Variants in APBA2 observed in about 807,000 individuals in gnomAD.
APBA2 encodes amyloid beta precursor protein binding family A member 2.
APBA2 carries 30 observed loss-of-function variants against 75.0 expected under a neutral mutation model. That is an observed-to-expected ratio of 0.40 (90% confidence interval 0.30 to 0.54). The LOEUF (loss-of-function observed/expected upper bound fraction) is 0.54. Among genes scored for constraint, APBA2 ranks in the 20% least tolerant of loss-of-function variants. The pLI is 0.49. For missense variants in APBA2, 801 were observed against 1,016.1 expected (o/e 0.79, Z 2.88); for synonymous variants, 444 against 409.6 (o/e 1.08, Z -1.01).
chr15:28,957,796 A>C (rs1366890826), intron 2 of APBA2, among the ~76,000 whole-genome samples: 6 of 152,042 alleles, frequency 3.9e-5, no homozygotes, highest in Non-Finnish European at 8.8e-5. Context: ...TGTCTCTTGC[A>C]CCTGCACATC....
At chr15:28,893,968 G>A (rs1290237917) in intron 1 of APBA2, 4 of 152,174 alleles carry the variant, frequency 2.6e-5, no homozygotes, top group African/African-American at 4.8e-5. Flanking sequence ...CCTTGACTTC[G>A]TCTGGGGAGC....
intron 9 of APBA2, among the ~76,000 whole-genome samples, chr15:29,098,827 C>T (rs2043980374): frequency 6.6e-6 from 1 of 152,154 alleles, no homozygotes; most frequent in African/African-American, 2.4e-5. Context: ...GGGCCCTCCC[C>T]TGCTTCCCCA....
chr15:29,117,850 C>T lies in APBA2; in HGVS notation c.*717C>T, dbSNP rs1406522065. 1 of 152,252 alleles carries T rather than the reference C, an allele frequency of 6.6e-6. No homozygotes were observed. The highest frequency in any genetic ancestry group is 2.4e-5 in the African/African-American group (1 of 41,440). The allele number at this position is 152,252 out of a possible 1,614,324, so 9.4% of individuals were successfully genotyped here. A position where few individuals can be genotyped will look rare whatever the true frequency, so the allele number is the denominator to read the frequency against. On this transcript the variant is annotated 3_prime_UTR_variant, in exon 15 of 15. Coordinates refer to ENST00000683413, the MANE Select transcript of APBA2 (RefSeq NM_001353788.2). ...CCCGTCGTCTCTTCTGGGCACCCTC[C>T]CACCCGGCTGCATACCCGGGCAGGG...
chr15:28,958,719 C>G (rs2036305467), intron 2 of APBA2, among the ~76,000 whole-genome samples: 1 of 152,146 alleles, frequency 6.6e-6, no homozygotes, highest in African/African-American at 2.4e-5. Context: ...CTTATCAAAT[C>G]CAGAGCTGTT....
At chr15:29,072,671 C>T (rs2042677212) in intron 4 of APBA2, among the ~76,000 whole-genome samples, 1 of 152,086 alleles carries the variant, frequency 6.6e-6, no homozygotes, top group South Asian at 2.1e-4. Flanking sequence ...GGGTTTTGCT[C>T]CTGGGATGCT....
intron 1 of APBA2, among the ~76,000 whole-genome samples, chr15:28,899,529 G>A (rs1467621589): frequency 6.6e-6 from 1 of 152,232 alleles, no homozygotes; most frequent in Non-Finnish European, 1.5e-5. Flanking sequence ...TGGAAGCCGT[G>A]TTGCGTTGCA....
chr15:28,916,916 T>C (rs1347470302), intron 1 of APBA2, among the ~76,000 whole-genome samples: 2 of 152,242 alleles, frequency 1.3e-5, no homozygotes, highest in East Asian at 3.9e-4. Context: ...GAAATGGAAT[T>C]TTTGGGCACA....
intron 4 of APBA2, among the ~76,000 whole-genome samples, chr15:29,068,132 A>G (rs1388592359): frequency 3.3e-5 from 5 of 152,242 alleles, no homozygotes; most frequent in Non-Finnish European, 7.3e-5. Flanking sequence ...TGTGGAGGCC[A>G]CAGGGGAGGT....
chr15:28,976,891 G>A (rs1400701434), intron 2 of APBA2: 1 of 152,142 alleles, frequency 6.6e-6, no homozygotes, highest in African/African-American at 2.4e-5. Flanking sequence ...AGACTGAGGT[G>A]ATATGTTCCT....
chr15:28,977,814 G>A (rs1202754895), intron 2 of APBA2, among the ~76,000 whole-genome samples: 1 of 152,178 alleles, frequency 6.6e-6, no homozygotes. Context: ...GGTTCTCACA[G>A]GAGTGAGAAC....
Position 28,940,596 on chromosome 15 carries a change from G to A in APBA2, c.-95+18847G>A, listed in dbSNP as rs2035163048. ...AAAAGAAAAGAAAAAGAAAAACAAAGCCTCTGGAATCCGGAACTACAAATC... is the reference window on the plus strand; with the variant it reads ...AAAAGAAAAGAAAAAGAAAAACAAAACCTCTGGAATCCGGAACTACAAATC... On this transcript the variant is annotated intron_variant, in intron 2 of 14. Coordinates refer to ENST00000683413, the MANE Select transcript of APBA2 (RefSeq NM_001353788.2). Among the ~76,000 whole-genome samples the A allele has an allele frequency of 2.0e-5, 3 of 151,216 alleles. No individual in the cohort carries two copies. The South Asian group carries it at 6.3e-4, about 32-fold the overall frequency.
intron 1 of APBA2, among the ~76,000 whole-genome samples, chr15:28,899,821 T>A (rs2032742449): frequency 6.6e-6 from 1 of 151,908 alleles, no homozygotes. Flanking sequence ...AAGTGAGGAA[T>A]GTCTTTAAAA....
intron 1 of APBA2, among the ~76,000 whole-genome samples, chr15:28,914,250 C>T (rs371905094): frequency 6.6e-5 from 10 of 152,242 alleles, no homozygotes; most frequent in Admixed American, 2.6e-4. Context: ...GGCTGCTTTG[C>T]GGTGTAGACC....
intron 3 of APBA2, among the ~76,000 whole-genome samples, chr15:28,996,025 A>G (rs2038498134): frequency 6.6e-6 from 1 of 152,044 alleles, no homozygotes; most frequent in African/African-American, 2.4e-5. Context: ...CGCTTCTGGC[A>G]CTTACCTTGC....
intron 1 of APBA2, among the ~76,000 whole-genome samples, chr15:28,914,667 A>T (rs2033583978): frequency 6.6e-6 from 1 of 152,016 alleles, no homozygotes; most frequent in Non-Finnish European, 1.5e-5. Flanking sequence ...GCCCAGGAAA[A>T]GTTACAGAAA....
At chr15:28,890,831 G>A (rs2032082895) in intron 1 of APBA2, among the ~76,000 whole-genome samples, 1 of 152,186 alleles carries the variant, frequency 6.6e-6, no homozygotes, top group South Asian at 2.1e-4. Context: ...ATTTGGTGTG[G>A]CCACGTAGCC....
chr15:29,031,630 A>G (rs1309870804), intron 3 of APBA2, among the ~76,000 whole-genome samples: 1 of 152,108 alleles, frequency 6.6e-6, no homozygotes, highest in Non-Finnish European at 1.5e-5. Flanking sequence ...GCCATTGGCT[A>G]CTTTTAGGAT....
At chr15:28,920,924 T>A (rs573107397) in intron 1 of APBA2, among the ~76,000 whole-genome samples, 2 of 152,304 alleles carry the variant, frequency 1.3e-5, no homozygotes, top group South Asian at 2.1e-4. Flanking sequence ...AGCTCAGTTC[T>A]GTGCGAAGTC....
chr15:29,108,438 G>C (rs372028958), intron 13 of APBA2, 49 bp downstream of exon 13: 3 of 1,613,128 alleles, frequency 1.9e-6, no homozygotes. Context: ...GCAGGGCCCA[G>C]GGAGGGGGAG....
Sources: allele counts gnomAD v4.1 joint callset (sites outside exome capture counted in the v4.1 genomes callset), GRCh38; gene constraint gnomAD v4.1.1; transcripts MANE v1.5; gene names NCBI Gene and HGNC (gene_info 2026-07-23, HGNC 2026-07-21).